The following RNF216 variants were observed in gnomAD, a reference collection of about 807,000 sequenced individuals.
RNF216 encodes ring finger protein 216.
Under a neutral mutation model 110.8 loss-of-function variants are expected in RNF216, and 72 were observed. That is an observed-to-expected ratio of 0.65 (90% CI 0.54 to 0.79). RNF216 has a LOEUF of 0.79. Among genes scored for constraint, RNF216 ranks in the 30% least tolerant of loss-of-function variants. The pLI, the probability that RNF216 is intolerant of heterozygous loss-of-function variation, is 0.00. For synonymous variants in RNF216, 495 were observed against 407.5 expected (o/e 1.21, Z -2.59); for missense variants, 1,342 against 1,141.2 (o/e 1.18, Z -2.54).
chr7:5,706,698 T>C (rs1792312476), intron 13 of RNF216, among the ~76,000 whole-genome samples: 1 of 152,244 alleles, frequency 6.6e-6, no homozygotes, highest in Non-Finnish European at 1.5e-5. Flanking sequence ...GCTGAGATCC[T>C]TTCCCAAAGG....
At chr7:5,776,826 GGGA>G (rs1393268849) in intron 1 of RNF216, among the ~76,000 whole-genome samples, 1 of 149,880 alleles carries the variant, frequency 6.7e-6, no homozygotes, top group Admixed American at 6.7e-5. Flanking sequence ...GCTTGAACCT[GGGA>G]GGAGGAGGTT....
chr7:5,684,203 C>T (rs1419906726), intron 13 of RNF216, among the ~76,000 whole-genome samples: 3 of 149,472 alleles, frequency 2.0e-5, no homozygotes, highest in Non-Finnish European at 4.4e-5. Context: ...TCCAGGTTCA[C>T]GCCATTCTCC....
intron 15 of RNF216, among the ~76,000 whole-genome samples, chr7:5,640,285 T>G (rs1274701904): frequency 2.0e-5 from 3 of 152,190 alleles, no homozygotes; most frequent in Admixed American, 1.3e-4. Flanking sequence ...CTGGCCTTGA[T>G]GTAATGCAAG....
chr7:5,761,997 T>C (rs148634146), intron 1 of RNF216, among the ~76,000 whole-genome samples: 12 of 152,274 alleles, frequency 7.9e-5, no homozygotes, highest in African/African-American at 2.9e-4. Context: ...TAAAGAAACC[T>C]CTGTGTGTTC....
At chr7:5,668,459 G>A (rs560078284) in intron 13 of RNF216, among the ~76,000 whole-genome samples, 2 of 152,036 alleles carry the variant, frequency 1.3e-5, no homozygotes, top group South Asian at 2.1e-4. Context: ...TCCTGACCTC[G>A]TGATCTGCCC....
chr7:5,699,033 CTTGT>C (rs976778961), intron 13 of RNF216, among the ~76,000 whole-genome samples: 3 of 152,074 alleles, frequency 2.0e-5, no homozygotes, highest in Non-Finnish European at 2.9e-5. Context: ...GAGTTTTTGA[CTTGT>C]TTTTTTTAAA....
At chr7:5,698,528 T>A (rs1219069141) in intron 13 of RNF216, among the ~76,000 whole-genome samples, 6 of 152,298 alleles carry the variant, frequency 3.9e-5, no homozygotes, top group African/African-American at 1.4e-4. Flanking sequence ...TAGCTGGGAC[T>A]ACAGATGCAC....
At chr7:5,730,865 C>T in intron 5 of RNF216, 48 bp from the exon 6 acceptor site, 9 of 1,576,454 alleles carry the variant, frequency 5.7e-6, no homozygotes, top group Non-Finnish European at 7.8e-6. Context: ...AAATCCCACA[C>T]CTGCCCATTG....
intron 13 of RNF216, among the ~76,000 whole-genome samples, chr7:5,672,472 T>C (rs146660058): frequency 9.2e-4 from 140 of 152,346 alleles, no homozygotes; most frequent in Admixed American, 2.3e-3. Flanking sequence ...CATGATGTAG[T>C]GCTTGTAGCA....
chr7:5,765,964 A>AAAAAAAG (rs1554265673), intron 1 of RNF216, among the ~76,000 whole-genome samples: 1 of 148,602 alleles, frequency 6.7e-6, no homozygotes, highest in Non-Finnish European at 1.5e-5. Context: ...AAAAAAAAAA[A>AAAAAAAG]AAAGAAAGAA....
chr7:5,677,766 G>C (rs921750260), intron 13 of RNF216, among the ~76,000 whole-genome samples: 13 of 152,210 alleles, frequency 8.5e-5, no homozygotes, highest in African/African-American at 3.1e-4. Flanking sequence ...CTAGGAATCA[G>C]AGTCTGCCCA....
Position 5,741,444 on chromosome 7 carries a change from G to C in RNF216, c.573C>G (p.Ser191Arg). The change falls in exon 4 of 17, where the codon AGC becomes AGG. Residue 191 changes from serine (S) to arginine (R), a missense_variant. Ser to Arg is a moderately radical substitution (Grantham distance 110, BLOSUM62 -1). Coordinates refer to ENST00000389902, the MANE Select transcript of RNF216 (RefSeq NM_207111.4). ...ACTGGTTCTGAGTTTCCAAAGGATC[G>C]CTTTCTGTGTAAAGAAGGCTACCTT... ...LEEGSLLYTESDPLETQNQSS... is the reference protein window; with the variant it reads ...LEEGSLLYTERDPLETQNQSS... 2 of 1,614,158 alleles carry C rather than the reference G, an allele frequency of 1.2e-6. No homozygotes were observed. The highest frequency in any genetic ancestry group is 1.7e-6 in the Non-Finnish European group (2 of 1,180,020).
intron 3 of RNF216, among the ~76,000 whole-genome samples, chr7:5,750,236 C>T (rs949191673): frequency 1.3e-5 from 2 of 152,188 alleles, no homozygotes; most frequent in Non-Finnish European, 2.9e-5. Flanking sequence ...GTAAATCTGT[C>T]TCTTCCTGGC....
intron 8 of RNF216, among the ~76,000 whole-genome samples, chr7:5,722,000 G>A (rs1245010870): frequency 6.6e-6 from 1 of 152,190 alleles, no homozygotes; most frequent in Admixed American, 6.5e-5. Flanking sequence ...ACAGATCACT[G>A]CAGCCTCAAC....
chr7:5,685,700 C>T (rs1790934639), intron 13 of RNF216, among the ~76,000 whole-genome samples: 1 of 152,222 alleles, frequency 6.6e-6, no homozygotes, highest in Non-Finnish European at 1.5e-5. Flanking sequence ...TCTCAAACTC[C>T]CAGCCACATG....
In RNF216 at chr7:5,674,783, A is replaced by G. The variant is rs531716286; in HGVS notation, c.2062-22273T>C. On this transcript the variant is annotated intron_variant, in intron 13 of 16. Transcript: ENST00000389902. Reference sequence around the variant, plus strand: ...GGCCGAGGTTGGCAGATCACCTGAGATCAGGAGTTCAAGACCAGCCTGACC... The same window carrying G: ...GGCCGAGGTTGGCAGATCACCTGAGGTCAGGAGTTCAAGACCAGCCTGACC... Among the ~76,000 whole-genome samples, 29 of 152,116 alleles carry G rather than the reference A, an allele frequency of 1.9e-4. No homozygotes were observed. In the Middle Eastern group the frequency reaches 0.01, roughly 54 times the overall value.
chr7:5,726,220 G>A (rs1421146218), intron 7 of RNF216, among the ~76,000 whole-genome samples: 1 of 151,896 alleles, frequency 6.6e-6, no homozygotes, highest in Non-Finnish European at 1.5e-5. Context: ...GGGTTGCAGT[G>A]AGCCATGATT....
intron 13 of RNF216, among the ~76,000 whole-genome samples, chr7:5,691,916 A>C (rs1791364550): frequency 6.6e-6 from 1 of 152,264 alleles, no homozygotes; most frequent in African/African-American, 2.4e-5. Context: ...CAAGTAATGA[A>C]AGACAGACCC....
intron 5 of RNF216, among the ~76,000 whole-genome samples, chr7:5,735,495 A>G (rs1416579814): frequency 6.6e-6 from 1 of 152,242 alleles, no homozygotes; most frequent in Non-Finnish European, 1.5e-5. Flanking sequence ...AAAATAACCA[A>G]GACAATTAAA....
Sources: allele counts gnomAD v4.1 joint callset (sites outside exome capture counted in the v4.1 genomes callset), GRCh38; gene constraint gnomAD v4.1.1; transcripts MANE v1.5; gene names NCBI Gene and HGNC (gene_info 2026-07-23, HGNC 2026-07-21).